Variants in PSD3 observed in about 807,000 individuals in gnomAD.
PSD3 encodes pleckstrin and Sec7 domain containing 3.
In PSD3, 49 loss-of-function variants were observed where a neutral mutation model predicts 105.5. That is an observed-to-expected ratio of 0.46 (90% CI 0.37 to 0.59). The LOEUF is 0.59. Among genes scored for constraint, PSD3 ranks in the 20% least tolerant of loss-of-function variants. PSD3 has a pLI of 0.00. For synonymous variants in PSD3, 557 were observed against 457.8 expected (o/e 1.22, Z -2.77); for missense variants, 1,561 against 1,263.8 (o/e 1.24, Z -3.57).
In PSD3 at chr8:18,910,153, G is replaced by T. The variant is rs533423279; in HGVS notation, c.130+25881C>A. Among the ~76,000 whole-genome samples, 62 of 152,030 alleles carry T rather than the reference G, an allele frequency of 4.1e-4. No individual in the cohort carries two copies. The East Asian group carries it at 0.011, about 27-fold the overall frequency. On this transcript the variant is annotated intron_variant, in intron 2 of 15. Transcript: ENST00000327040. ...CATTACTGGGTATATACCCAAATGA[G>T]TATAAATCATGCTGCTATAAAGACA...
intron 1 of PSD3, among the ~76,000 whole-genome samples, chr8:19,077,935 G>A (rs924183325): frequency 1.3e-5 from 2 of 152,020 alleles, no homozygotes; most frequent in Admixed American, 6.6e-5. Flanking sequence ...GACCACATGC[G>A]GAATCCATGA....
chr8:18,653,924 T>C (rs888828661), intron 10 of PSD3, among the ~76,000 whole-genome samples: 2 of 152,236 alleles, frequency 1.3e-5, no homozygotes, highest in Non-Finnish European at 2.9e-5. Flanking sequence ...ATATTCTGCA[T>C]ATGTCAGGAT....
At chr8:18,650,207 C>G (rs1808373431) in intron 10 of PSD3, among the ~76,000 whole-genome samples, 1 of 152,166 alleles carries the variant, frequency 6.6e-6, no homozygotes, top group African/African-American at 2.4e-5. Flanking sequence ...TCTGAAGATC[C>G]TCATGCAGAT....
intron 1 of PSD3, among the ~76,000 whole-genome samples, chr8:19,048,945 C>T (rs1828420344): frequency 6.6e-6 from 1 of 152,198 alleles, no homozygotes; most frequent in African/African-American, 2.4e-5. Flanking sequence ...CTCTCCTTTG[C>T]TTGCTGCCTT....
At chr8:18,868,093 A>G in intron 3 of PSD3, 24 bp from the exon 4 acceptor site, 3 of 1,560,430 alleles carry the variant, frequency 1.9e-6, no homozygotes, top group Non-Finnish European at 2.6e-6. Context: ...AAGAGTGAAG[A>G]ATTCCAATAT....
intron 10 of PSD3, among the ~76,000 whole-genome samples, chr8:18,641,226 C>T (rs764814351): frequency 6.6e-6 from 1 of 152,126 alleles, no homozygotes; most frequent in Non-Finnish European, 1.5e-5. Flanking sequence ...ACCTTACAAC[C>T]AGCCTAGAAG....
chr8:19,042,856 C>G (rs945013516), intron 1 of PSD3, among the ~76,000 whole-genome samples: 1 of 152,126 alleles, frequency 6.6e-6, no homozygotes, highest in Non-Finnish European at 1.5e-5. Flanking sequence ...AAAGCACAAC[C>G]TTATAAGAAG....
At chr8:18,711,354 AAG>A (rs2129421943) in intron 9 of PSD3, among the ~76,000 whole-genome samples, 1 of 152,340 alleles carries the variant, frequency 6.6e-6, no homozygotes, top group Non-Finnish European at 1.5e-5. Context: ...AAGCTGGAGA[AAG>A]AGTCAAAACC....
chr8:18,842,876 G>T (rs1377735864), intron 4 of PSD3, among the ~76,000 whole-genome samples: 1 of 152,190 alleles, frequency 6.6e-6, no homozygotes, highest in Non-Finnish European at 1.5e-5. Flanking sequence ...TTAAGGTACA[G>T]AAGAAGCCTT....
At chr8:18,620,372 G>A (rs1410433967) in intron 11 of PSD3, among the ~76,000 whole-genome samples, 1 of 146,220 alleles carries the variant, frequency 6.8e-6, no homozygotes, top group African/African-American at 2.6e-5. Flanking sequence ...CCCAGGCTGT[G>A]GTCACTCACA....
chr8:18,764,498 T>G (rs991670736), intron 9 of PSD3, among the ~76,000 whole-genome samples: 1 of 152,204 alleles, frequency 6.6e-6, no homozygotes, highest in Non-Finnish European at 1.5e-5. Context: ...TTAGTAAGAC[T>G]AAGAATGTCG....
chr8:18,656,246 C>T (rs1004911070), intron 9 of PSD3, among the ~76,000 whole-genome samples: 5 of 151,874 alleles, frequency 3.3e-5, no homozygotes, highest in Non-Finnish European at 2.9e-5. Context: ...TTAGTAGAGA[C>T]GGGGTTTCAC....
intron 9 of PSD3, among the ~76,000 whole-genome samples, chr8:18,727,262 G>A (rs1409349261): frequency 6.7e-6 from 1 of 149,782 alleles, no homozygotes; most frequent in East Asian, 2.0e-4. Flanking sequence ...GATTGAACCT[G>A]GGAGGCGGAG....
At chr8:18,894,211 G>C (rs1818996192) in intron 2 of PSD3, among the ~76,000 whole-genome samples, 1 of 152,118 alleles carries the variant, frequency 6.6e-6, no homozygotes, top group Non-Finnish European at 1.5e-5. Flanking sequence ...AAGTACATTT[G>C]TACTCCCAGG....
chr8:18,581,258 C>G (rs547809588), intron 12 of PSD3, among the ~76,000 whole-genome samples: 66 of 152,256 alleles, frequency 4.3e-4, no homozygotes, highest in Non-Finnish European at 7.5e-4. Flanking sequence ...TTTTAAAGCA[C>G]ATATGAACTA....
intron 14 of PSD3, among the ~76,000 whole-genome samples, chr8:18,566,333 T>C (rs866763120): frequency 3.3e-4 from 50 of 152,024 alleles, no homozygotes; most frequent in African/African-American, 1.0e-3. Context: ...GAGACCATCA[T>C]TGCTAACACG....
chr8:18,532,259 C>T lies in PSD3; in HGVS notation c.*3484G>A, dbSNP rs1300656945. 1 of 152,208 alleles carries T rather than the reference C, an allele frequency of 6.6e-6. No homozygotes were observed. Among genetic ancestry groups the T allele is most frequent in the Admixed American group, 6.5e-5 (1 of 15,280 alleles). 9.4% of individuals were successfully genotyped at this position (152,208 alleles called of 1,614,324 possible). Reference sequence around the variant, plus strand: ...GTTTAGGCAGTAAGAGGCCTCTTTCCCTGCTGGTTGCAAAAATTCTTCCAC... The same window carrying T: ...GTTTAGGCAGTAAGAGGCCTCTTTCTCTGCTGGTTGCAAAAATTCTTCCAC... On this transcript the variant is annotated 3_prime_UTR_variant, in exon 16 of 16. Transcript: ENST00000327040.
chr8:18,797,213 A>G (rs1220636030), intron 8 of PSD3, among the ~76,000 whole-genome samples: 2 of 152,184 alleles, frequency 1.3e-5, no homozygotes, highest in Non-Finnish European at 1.5e-5. Flanking sequence ...ACCTAAATAG[A>G]CAATCCCAAG....
chr8:18,638,051 G>A lies in PSD3; in HGVS notation c.2217-5245C>T, dbSNP rs559270999. On this transcript the variant is annotated intron_variant, in intron 10 of 15. Coordinates refer to ENST00000327040, the MANE Select transcript of PSD3 (RefSeq NM_015310.4). ...GGTGCCTGTAATCCCAGCTACTTGGGAGGCTGAAGCAGAGAACTGCTTGAA... is the reference window on the plus strand; with the variant it reads ...GGTGCCTGTAATCCCAGCTACTTGGAAGGCTGAAGCAGAGAACTGCTTGAA... 7.9e-5 allele frequency among the ~76,000 whole-genome samples: 12 copies of A among 151,704 alleles called. No individual in the cohort carries two copies. In the South Asian group the frequency reaches 2.5e-3, roughly 32 times the overall value.
Sources: gnomAD v4.1 joint callset for allele counts (sites outside exome capture counted in the v4.1 genomes callset) on GRCh38, gnomAD v4.1.1 for gene constraint, MANE v1.5 for transcripts, NCBI Gene and HGNC (gene_info 2026-07-23, HGNC 2026-07-21) for gene names.